The following SGSM1 variants were observed in gnomAD, a reference collection of about 807,000 sequenced individuals.
SGSM1 encodes the protein RUN and TBC1 domain containing 2.
Under a neutral mutation model 133.8 loss-of-function variants are expected in SGSM1, and 73 were observed. That is an observed-to-expected ratio of 0.55 (90% CI 0.45 to 0.66). The LOEUF (loss-of-function observed/expected upper bound fraction) is 0.66. Among genes scored for constraint, SGSM1 ranks in the 30% least tolerant of loss-of-function variants. The pLI is 0.00. For missense variants in SGSM1, 1,213 were observed against 1,448.1 expected (o/e 0.84, Z 2.64); for synonymous variants, 563 against 573.0 (o/e 0.98, Z 0.25).
In SGSM1 at chr22:24,907,933, A is replaced by AAAAAAAAAAAAAG. The variant is rs60386136; in HGVS notation, c.2818+2748_2818+2749insAAAAAAAAAAGAA. Among the ~76,000 whole-genome samples the AAAAAAAAAAAAAG allele has an allele frequency of 2.1e-4, 23 of 109,988 alleles. 1 individual carries two copies. Among genetic ancestry groups the AAAAAAAAAAAAAG allele is most frequent in the East Asian group, 6.9e-4 (2 of 2,884 alleles). The allele number at this position is 109,988 out of a possible 152,430, so 72.2% of individuals were successfully genotyped here. A position where few individuals can be genotyped will look rare whatever the true frequency, so the allele number is the denominator to read the frequency against. ...TCTCAAAAAAAAAAAAAAAAAAAAAAAAGATGTTGCAGGACTCACAGTACC... is the reference window on the plus strand; with the variant it reads ...TCTCAAAAAAAAAAAAAAAAAAAAAAAAAAAAAAAAAAGAAGATGTTGCAGGACTCACAGTACC... On this transcript the variant is annotated intron_variant, in intron 21 of 24. Coordinates refer to ENST00000400358, the MANE Select transcript of SGSM1 (RefSeq NM_001098497.3).
intron 2 of SGSM1, chr22:24,813,629 C>T (rs1927883883): frequency 6.6e-6 from 1 of 151,974 alleles, no homozygotes; most frequent in Non-Finnish European, 1.5e-5. Context: ...AAACGCTCCT[C>T]ATGAATAATG....
At chr22:24,810,004 G>T (rs1927639557) in intron 2 of SGSM1, among the ~76,000 whole-genome samples, 1 of 152,180 alleles carries the variant, frequency 6.6e-6, no homozygotes, top group African/African-American at 2.4e-5. Context: ...ACATGCAGAA[G>T]CTTTGTGGCT....
At chr22:24,864,108 G>A (rs985259715) in intron 9 of SGSM1, among the ~76,000 whole-genome samples, 4 of 152,144 alleles carry the variant, frequency 2.6e-5, no homozygotes, top group African/African-American at 9.7e-5. Flanking sequence ...CACTAGCTGG[G>A]TATTCCAATG....
chr22:24,901,165 A>G (rs1933147433), intron 19 of SGSM1: 1 of 152,236 alleles, frequency 6.6e-6, no homozygotes, highest in Admixed American at 6.5e-5. Context: ...ACCCAAAGTG[A>G]CAACATTCAT....
intron 2 of SGSM1, among the ~76,000 whole-genome samples, chr22:24,820,395 T>G (rs866890097): frequency 6.6e-6 from 1 of 152,174 alleles, no homozygotes. Flanking sequence ...GGTGCCTATT[T>G]ATAGCAAGCC....
At chr22:24,912,065 G>GA (rs113285331) in intron 21 of SGSM1, among the ~76,000 whole-genome samples, 294 of 140,524 alleles carry the variant, frequency 2.1e-3, no homozygotes, top group African/African-American at 4.9e-3. Flanking sequence ...AAAAAAAAAG[G>GA]AAAAAAAAAA....
chr22:24,853,769 A>ATTTTTTTTTTTT (rs57736929), intron 5 of SGSM1, among the ~76,000 whole-genome samples: 251 of 123,388 alleles, frequency 2.0e-3, no homozygotes, highest in African/African-American at 4.7e-3. Context: ...CGCCTGGTGA[A>ATTTTTTTTTTTT]TTTTTTTTTT....
At chr22:24,918,668 C>T (rs1933903189) in intron 23 of SGSM1, among the ~76,000 whole-genome samples, 1 of 151,974 alleles carries the variant, frequency 6.6e-6, no homozygotes, top group Non-Finnish European at 1.5e-5. Flanking sequence ...CCCTTGCCAG[C>T]AAGTGATGGA....
rs775424499 is a variant in SGSM1 at position 24,893,551 on chromosome 22, G to C, written c.1891G>C (p.Gly631Arg). 8 of 1,605,490 alleles carry C rather than the reference G, an allele frequency of 5.0e-6. No individual in the cohort carries two copies. The African/African-American group carries it at 1.1e-4, about 21-fold the overall frequency. ...GGCCGCCCTGGCCAAATGCTCATCC[G>C]GGGCCAGCTTGGACAGCCACCTGCA... is the stretch of plus-strand genomic sequence containing the variant. ...HAAALAKCSSGASLDSHLHRM... is the reference protein window; with the variant it reads ...HAAALAKCSSRASLDSHLHRM... Residue 631 changes from glycine (G) to arginine (R), a missense_variant, in exon 17 of 25, where the codon GGG becomes CGG. Physicochemically the swap from Gly to Arg is moderately radical, Grantham distance 125 (BLOSUM62 -2). Coordinates refer to ENST00000400358, the MANE Select transcript of SGSM1 (RefSeq NM_001098497.3).
chr22:24,851,699 G>A (rs1202106617), intron 5 of SGSM1, among the ~76,000 whole-genome samples: 2 of 152,180 alleles, frequency 1.3e-5, no homozygotes, highest in East Asian at 1.9e-4. Context: ...TGTTCCAAGG[G>A]GGCGTGGTGG....
At position 24,927,142 on chromosome 22, in the gene SGSM1, C is replaced by G. The variant is rs1934231985; in HGVS notation, c.*2868C>G. The G allele has an allele frequency of 6.6e-6, 1 of 152,210 alleles. No homozygotes were observed. Among genetic ancestry groups the G allele is most frequent in the Non-Finnish European group, 1.5e-5 (1 of 68,050 alleles). 9.4% of individuals were successfully genotyped at this position (152,210 alleles called of 1,614,324 possible). A position where few individuals can be genotyped will look rare whatever the true frequency, so the allele number is the denominator to read the frequency against. Reference sequence around the variant, plus strand: ...GGCTAGGTTCAGCTAGGAGGTTCTTCTGTTCTCAGACTTCTTCATGTGTCT... The same window carrying G: ...GGCTAGGTTCAGCTAGGAGGTTCTTGTGTTCTCAGACTTCTTCATGTGTCT... On this transcript the variant is annotated 3_prime_UTR_variant, in exon 25 of 25. Transcript: ENST00000400358.
intron 3 of SGSM1, among the ~76,000 whole-genome samples, chr22:24,845,935 CTTTT>C (rs1930075679): frequency 7.0e-6 from 1 of 142,826 alleles, no homozygotes; most frequent in Non-Finnish European, 1.5e-5. Context: ...TCTTTCTTTT[CTTTT>C]CTTTTCTTTC....
intron 20 of SGSM1, 80 bp from the exon 21 acceptor site, chr22:24,905,025 G>A (rs947248135): frequency 5.2e-5 from 62 of 1,195,506 alleles, no homozygotes; most frequent in African/African-American, 1.1e-4. Flanking sequence ...ATTGGGGACC[G>A]AAGCAGGAGG....
intron 21 of SGSM1, among the ~76,000 whole-genome samples, chr22:24,907,259 TCAAATAAATAAA>T (rs965583268): frequency 1.7e-5 from 2 of 119,230 alleles, no homozygotes; most frequent in African/African-American, 6.6e-5. Flanking sequence ...AAACTCCATC[TCAAATAAATAAA>T]TAAATAAATA....
Position 24,867,083 on chromosome 22 carries a change from C to T in SGSM1, c.927-10C>T. 1 of 1,613,122 alleles carries T rather than the reference C, an allele frequency of 6.2e-7. No individual in the cohort carries two copies. Among genetic ancestry groups the T allele is most frequent in the South Asian group, 1.1e-5 (1 of 90,800 alleles). On this transcript the variant is annotated splice_polypyrimidine_tract_variant and intron_variant, in intron 9 of 24. Coordinates refer to ENST00000400358, the MANE Select transcript of SGSM1 (RefSeq NM_001098497.3). ...AAGTCCTGCAAGCCTGACCCTCCGT[C>T]CGCTTCCAGCGTCTACTGGGACTAT...
chr22:24,850,737 T>C (rs1489902237), intron 5 of SGSM1, among the ~76,000 whole-genome samples: 2 of 152,184 alleles, frequency 1.3e-5, no homozygotes, highest in African/African-American at 2.4e-5. Flanking sequence ...TTTTGGTAAA[T>C]GGCATGGGGA....
chr22:24,922,966 A>G (rs1179568062), intron 24 of SGSM1, among the ~76,000 whole-genome samples: 2 of 152,148 alleles, frequency 1.3e-5, no homozygotes, highest in Non-Finnish European at 2.9e-5. Context: ...TGTCTCTACT[A>G]AAAATACAAA....
intron 13 of SGSM1, among the ~76,000 whole-genome samples, chr22:24,878,698 G>A (rs1175171976): frequency 1.3e-5 from 2 of 152,124 alleles, no homozygotes; most frequent in African/African-American, 4.8e-5. Flanking sequence ...ACCTCTTTCA[G>A]CCGAAAAAGT....
At chr22:24,892,515 G>C (rs140758636) in intron 16 of SGSM1, among the ~76,000 whole-genome samples, 2 of 152,086 alleles carry the variant, frequency 1.3e-5, no homozygotes, top group African/African-American at 4.8e-5. Flanking sequence ...GAAGCGGGTT[G>C]GTTTTATTTG....
Sources: allele counts gnomAD v4.1 joint callset (sites outside exome capture counted in the v4.1 genomes callset), GRCh38; gene constraint gnomAD v4.1.1; transcripts MANE v1.5; gene names NCBI Gene and HGNC (gene_info 2026-07-23, HGNC 2026-07-21).